MIR2052HG: variants seen among roughly 807,000 people sequenced by gnomAD.
MIR2052HG encodes MIR2052 host gene.
intron 4 of MIR2052HG, among the ~76,000 whole-genome samples, chr8:74,717,210 T>C: frequency 6.6e-6 from 1 of 151,904 alleles, no homozygotes; most frequent in Non-Finnish European, 1.5e-5. Context: ...CCTGTGTCCA[T>C]GTGTTCTTAT....
intron 2 of MIR2052HG, among the ~76,000 whole-genome samples, chr8:74,613,470 G>A (rs1391170694): frequency 6.6e-6 from 1 of 152,114 alleles, no homozygotes; most frequent in Non-Finnish European, 1.5e-5. Flanking sequence ...AGCCTAAGAG[G>A]CTTGATGGCA....
At chr8:74,603,036 C>A (rs1361950724) in intron 1 of MIR2052HG, among the ~76,000 whole-genome samples, 6 of 84,890 alleles carry the variant, frequency 7.1e-5, no homozygotes, top group African/African-American at 1.1e-4. Flanking sequence ...CAAAACAAAA[C>A]ACCAAAAAAA....
chr8:74,677,171 C>G (rs944407499), intron 2 of MIR2052HG, among the ~76,000 whole-genome samples: 1 of 151,898 alleles, frequency 6.6e-6, no homozygotes, highest in Non-Finnish European at 1.5e-5. Flanking sequence ...AACCTACATG[C>G]ACTAATAAAA....
At chr8:74,675,445 G>A (rs269167) in intron 2 of MIR2052HG, among the ~76,000 whole-genome samples, 101,525 of 151,886 alleles carry the variant, frequency 0.67, 35,942 homozygotes, top group African/African-American at 0.91. Flanking sequence ...AGGTATGAAT[G>A]GGTTATATGC....
chr8:74,677,002 A>G (rs1185775755), intron 2 of MIR2052HG, among the ~76,000 whole-genome samples: 1 of 152,100 alleles, frequency 6.6e-6, no homozygotes. Flanking sequence ...TTAAAAGATA[A>G]CTTGAGAAGG....
intron 2 of MIR2052HG, chr8:74,615,110 C>T (rs1416485935): frequency 6.6e-6 from 1 of 152,160 alleles, no homozygotes; most frequent in Non-Finnish European, 1.5e-5. Flanking sequence ...ATTGACAGCA[C>T]CAGCCAAGTG....
intron 2 of MIR2052HG, among the ~76,000 whole-genome samples, chr8:74,624,751 T>C (rs1276100560): frequency 2.0e-5 from 3 of 152,246 alleles, no homozygotes; most frequent in African/African-American, 7.2e-5. Context: ...TTTGTTTATG[T>C]ATTCCTAACA....
chr8:74,706,672 T>A (rs1334424527), intron 4 of MIR2052HG, among the ~76,000 whole-genome samples: 1 of 152,132 alleles, frequency 6.6e-6, no homozygotes, highest in Non-Finnish European at 1.5e-5. Flanking sequence ...GTATAAAAGA[T>A]GACTTCTTAA....
intron 2 of MIR2052HG, among the ~76,000 whole-genome samples, chr8:74,694,274 T>C (rs1042201693): frequency 2.6e-5 from 4 of 152,158 alleles, no homozygotes; most frequent in African/African-American, 9.7e-5. Flanking sequence ...TCACTGCAGT[T>C]TGGCTCTCAG....
chr8:74,629,593 AG>A (rs1808481125), intron 2 of MIR2052HG, among the ~76,000 whole-genome samples: 1 of 152,142 alleles, frequency 6.6e-6, no homozygotes, highest in South Asian at 2.1e-4. Flanking sequence ...CTTAACTTTC[AG>A]AGAGCTTACT....
chr8:74,673,910 T>TATATATACAC (rs1485340799), intron 2 of MIR2052HG, among the ~76,000 whole-genome samples: 20 of 132,844 alleles, frequency 1.5e-4, no homozygotes, highest in African/African-American at 4.1e-4. Context: ...TATATATATA[T>TATATATACAC]ACACACACAA....
intron 2 of MIR2052HG, among the ~76,000 whole-genome samples, chr8:74,664,411 A>C (rs1346690760): frequency 6.6e-6 from 1 of 152,208 alleles, no homozygotes; most frequent in Non-Finnish European, 1.5e-5. Context: ...AAATATATAA[A>C]ATAAAATGAT....
At position 74,600,234 on chromosome 8, in the gene MIR2052HG, G is replaced by C. The variant is rs564744036; in HGVS notation, n.128+326G>C. ...CTGTAGACTGGAGCTGTTCCTATTC[G>C]GCCATCTTGGCTCCTCCCTGAAAGC... On this transcript the variant is annotated intron_variant and non_coding_transcript_variant, in intron 1 of 6. Coordinates refer to ENST00000523442, the Ensembl canonical transcript of MIR2052HG. 7.2e-5 allele frequency among the ~76,000 whole-genome samples: 11 copies of C among 151,936 alleles called. No homozygotes were observed. The South Asian group carries it at 1.2e-3, about 17-fold the overall frequency.
intron 2 of MIR2052HG, chr8:74,632,604 A>G (rs1467208334): frequency 3.3e-5 from 5 of 152,200 alleles, no homozygotes; most frequent in Non-Finnish European, 1.5e-5. Context: ...AATTTGCTGC[A>G]TATTTGAAAG....
At chr8:74,629,703 A>G (rs1345398622) in intron 2 of MIR2052HG, among the ~76,000 whole-genome samples, 1 of 152,142 alleles carries the variant, frequency 6.6e-6, no homozygotes, top group African/African-American at 2.4e-5. Flanking sequence ...GGCCCAGTAC[A>G]AGGTATCTGA....
chr8:74,654,989 G>A (rs1319927770), intron 2 of MIR2052HG, among the ~76,000 whole-genome samples: 2 of 152,160 alleles, frequency 1.3e-5, no homozygotes, highest in East Asian at 3.9e-4. Context: ...GTTGGCAACT[G>A]GAGCAAAGGT....
chr8:74,645,211 G>T (rs1243215507), intron 2 of MIR2052HG, among the ~76,000 whole-genome samples: 1 of 151,872 alleles, frequency 6.6e-6, no homozygotes, highest in African/African-American at 2.4e-5. Context: ...GGGGAAAAAG[G>T]TGACCTTGGT....
intron 4 of MIR2052HG, among the ~76,000 whole-genome samples, chr8:74,727,376 C>T (rs947579509): frequency 1.1e-4 from 17 of 152,114 alleles, no homozygotes; most frequent in East Asian, 3.8e-4. Flanking sequence ...CCCATGATTG[C>T]ACATTAACTA....
In MIR2052HG at chr8:74,602,865, C is replaced by CTTTCTTTCTTTCTTTCTTTCTTTCTTTCT. The variant is rs879678607; in HGVS notation, n.128+2968_128+2969insCTTTCTTTCTTTCTTTCTTTTCTTTCTTT. On this transcript the variant is annotated intron_variant and non_coding_transcript_variant, in intron 1 of 6. Coordinates refer to ENST00000523442, the Ensembl canonical transcript of MIR2052HG. Reference sequence around the variant, plus strand: ...TCTTTCTTTCTTTCTTTCTTTCTTTCTTTCTTTCTTTTTTCTATTCACAAA... The same window carrying CTTTCTTTCTTTCTTTCTTTCTTTCTTTCT: ...TCTTTCTTTCTTTCTTTCTTTCTTTCTTTCTTTCTTTCTTTCTTTCTTTCTTTCTTTTCTTTCTTTTTTCTATTCACAAA... Among the ~76,000 whole-genome samples, 96 of 142,752 alleles carry CTTTCTTTCTTTCTTTCTTTCTTTCTTTCT rather than the reference C, an allele frequency of 6.7e-4. 2 individuals carry two copies. Among genetic ancestry groups the CTTTCTTTCTTTCTTTCTTTCTTTCTTTCT allele is most frequent in the African/African-American group, 2.0e-3 (77 of 38,302 alleles). 93.7% of individuals were successfully genotyped at this position (142,752 alleles called of 152,430 possible). A position where few individuals can be genotyped will look rare whatever the true frequency, so the allele number is the denominator to read the frequency against.
Sources: gnomAD v4.1 joint callset for allele counts (sites outside exome capture counted in the v4.1 genomes callset) on GRCh38, gnomAD v4.1.1 for gene constraint, MANE v1.5 for transcripts, NCBI Gene and HGNC (gene_info 2026-07-23, HGNC 2026-07-21) for gene names.